BCL11B: variants seen among roughly 807,000 people sequenced by gnomAD.
The protein encoded by BCL11B is BCL11 transcription factor B, also known as B-cell lymphoma/leukemia 11B.
Under a neutral mutation model 49.9 loss-of-function variants are expected in BCL11B, and 8 were observed. That is an observed-to-expected ratio of 0.16 (90% confidence interval 0.09 to 0.29). The LOEUF (loss-of-function observed/expected upper bound fraction) is 0.29. Ranked by LOEUF, BCL11B falls within the 10% of genes least tolerant of loss-of-function variation. The probability of loss-of-function intolerance (pLI) is 1.00; values close to 1 mark genes in which losing one functional copy is unlikely to be tolerated. For synonymous variants in BCL11B, 739 were observed against 637.4 expected (o/e 1.16, Z -2.40); for missense variants, 1,006 against 1,351.0 (o/e 0.74, Z 4.00).
chr14:99,190,044 G>A (rs563499356), intron 3 of BCL11B, among the ~76,000 whole-genome samples: 3 of 152,318 alleles, frequency 2.0e-5, no homozygotes, highest in African/African-American at 7.2e-5. Flanking sequence ...AGCACCTGCT[G>A]ACAATCCAAT....
Position 99,270,683 on chromosome 14 carries a change from C to A in BCL11B, c.58+478G>T, listed in dbSNP as rs1474312924. On this transcript the variant is annotated intron_variant, in intron 1 of 3. Coordinates refer to ENST00000357195, the MANE Select transcript of BCL11B (RefSeq NM_138576.4). ...ACGGCTCCCCCAGCCGGAACGCACC[C>A]CGCTCTCCTCCGCCCGCGCCGTCAG... 1.4e-4 allele frequency among the ~76,000 whole-genome samples: 21 copies of A among 151,904 alleles called. 1 individual carries two copies. The highest frequency in any genetic ancestry group is 2.4e-4 in the Non-Finnish European group (16 of 67,890).
At chr14:99,197,516 A>G (rs1887211799) in intron 3 of BCL11B, among the ~76,000 whole-genome samples, 1 of 152,104 alleles carries the variant, frequency 6.6e-6, no homozygotes, top group Admixed American at 6.5e-5. Flanking sequence ...TCACAAGGCA[A>G]GCCTCTCATT....
intron 3 of BCL11B, among the ~76,000 whole-genome samples, chr14:99,216,874 CAT>C (rs142221441): frequency 7.0e-4 from 106 of 152,230 alleles, no homozygotes; most frequent in African/African-American, 2.3e-3. Context: ...CATACATACA[CAT>C]ATGTGCACAG....
intron 3 of BCL11B, among the ~76,000 whole-genome samples, chr14:99,179,981 G>A (rs1380182341): frequency 6.6e-6 from 1 of 152,124 alleles, no homozygotes; most frequent in African/African-American, 2.4e-5. Context: ...TAAACACATG[G>A]CACGCAGTCT....
chr14:99,209,147 G>C (rs1043596736), intron 3 of BCL11B, among the ~76,000 whole-genome samples: 1 of 152,142 alleles, frequency 6.6e-6, no homozygotes, highest in Non-Finnish European at 1.5e-5. Flanking sequence ...CTTACAAGAG[G>C]CCCTGGACTC....
rs557986468 is a variant in BCL11B, at chr14:99,171,352, G to A, written c.*2799C>T. On this transcript the variant is annotated 3_prime_UTR_variant, in exon 4 of 4. Transcript: ENST00000357195. Reference sequence around the variant, plus strand: ...ACAATAGGACTTAACATACAAATGTGTTTTTTTTGCAATATTTTATCCTGC... The same window carrying A: ...ACAATAGGACTTAACATACAAATGTATTTTTTTTGCAATATTTTATCCTGC... 4.6e-6 allele frequency: 1 copy of A among 216,446 alleles called. No individual in the cohort carries two copies. The highest frequency in any genetic ancestry group is 6.9e-5 in the East Asian group (1 of 14,558). 13.4% of individuals were successfully genotyped at this position (216,446 alleles called of 1,614,324 possible). A position where few individuals can be genotyped will look rare whatever the true frequency, so the allele number is the denominator to read the frequency against.
chr14:99,256,316 T>C (rs1426125303), intron 2 of BCL11B, among the ~76,000 whole-genome samples: 3 of 152,142 alleles, frequency 2.0e-5, no homozygotes, highest in Non-Finnish European at 2.9e-5. Flanking sequence ...GAGAGAGAAG[T>C]GCCACGGGCA....
At chr14:99,238,363 C>G (rs2139908523) in intron 2 of BCL11B, among the ~76,000 whole-genome samples, 1 of 152,322 alleles carries the variant, frequency 6.6e-6, no homozygotes, top group South Asian at 2.1e-4. Flanking sequence ...CACCCCTTCC[C>G]CAGGTCCAAA....
intron 3 of BCL11B, among the ~76,000 whole-genome samples, chr14:99,176,436 C>G (rs1015869392): frequency 6.6e-6 from 1 of 152,216 alleles, no homozygotes; most frequent in Non-Finnish European, 1.5e-5. Flanking sequence ...CAGCGACTTA[C>G]TTCAATTGTG....
At position 99,170,113 on chromosome 14, in the gene BCL11B, G is replaced by A. The variant is rs1231207215; in HGVS notation, c.*4038C>T. 4 of 226,812 alleles carry A rather than the reference G, an allele frequency of 1.8e-5. No homozygotes were observed. Among genetic ancestry groups the A allele is most frequent in the Non-Finnish European group, 3.5e-5 (4 of 113,738 alleles). 14.0% of individuals were successfully genotyped at this position (226,812 alleles called of 1,614,324 possible). On this transcript the variant is annotated 3_prime_UTR_variant, in exon 4 of 4. Coordinates refer to ENST00000357195, the MANE Select transcript of BCL11B (RefSeq NM_138576.4). ...CAATCTGGTAAGCTGGTGAGCACTG[G>A]CTAGCTGTTATGACTACAGGAAGAC...
intron 3 of BCL11B, among the ~76,000 whole-genome samples, chr14:99,199,658 G>A (rs1350038235): frequency 1.1e-4 from 9 of 81,760 alleles, no homozygotes; most frequent in Non-Finnish European, 2.5e-4. Context: ...GTGTGTGTGT[G>A]TGTGTGTGTG....
chr14:99,221,324 A>C (rs1216634841), intron 3 of BCL11B, among the ~76,000 whole-genome samples: 1 of 152,226 alleles, frequency 6.6e-6, no homozygotes, highest in Non-Finnish European at 1.5e-5. Context: ...ACTTCTTAAC[A>C]AAGGCAATCA....
At chr14:99,220,291 A>C (rs1566816071) in intron 3 of BCL11B, among the ~76,000 whole-genome samples, 1 of 152,178 alleles carries the variant, frequency 6.6e-6, no homozygotes, top group Non-Finnish European at 1.5e-5. Flanking sequence ...ATTATTGTCC[A>C]CCCACGTTCT....
chr14:99,271,198 G>T lies in BCL11B; in HGVS notation c.21C>A (p.Gly7=). Residue 7 remains glycine, a synonymous_variant, in exon 1 of 4, where the codon GGC becomes GGA. Transcript: ENST00000357195. MSRRKQ[G]NPQHLSQREL... The stretch of plus-strand genomic sequence containing the variant: ...CCCTCTGGGACAAGTGCTGCGGGTT[G>T]CCCTGTTTGCGGCGGGACATTGCCC... The T allele has an allele frequency of 1.3e-6, 2 of 1,537,912 alleles. No individual in the cohort carries two copies. The highest frequency in any genetic ancestry group is 8.7e-7 in the Non-Finnish European group (1 of 1,147,478).
intron 3 of BCL11B, among the ~76,000 whole-genome samples, chr14:99,187,567 A>G (rs1456806247): frequency 2.0e-5 from 3 of 151,860 alleles, no homozygotes; most frequent in African/African-American, 7.3e-5. Context: ...AACTCTGGGG[A>G]CAGGAATTTT....
intron 1 of BCL11B, among the ~76,000 whole-genome samples, chr14:99,268,798 T>G (rs1055020986): frequency 6.6e-6 from 1 of 152,182 alleles, no homozygotes; most frequent in Non-Finnish European, 1.5e-5. Context: ...CTTTGCCCTC[T>G]GGTCTCCTTC....
Position 99,249,320 on chromosome 14 carries a change from C to T in BCL11B, c.427+8151G>A, listed in dbSNP as rs183841112. Reference sequence around the variant, plus strand: ...AATTTTAATTTTAAGTTCTGGGGTACATGTGCAGGGTGTGCAGGTTTGTTA... The same window carrying T: ...AATTTTAATTTTAAGTTCTGGGGTATATGTGCAGGGTGTGCAGGTTTGTTA... On this transcript the variant is annotated intron_variant, in intron 2 of 3. Coordinates refer to ENST00000357195, the MANE Select transcript of BCL11B (RefSeq NM_138576.4). Among the ~76,000 whole-genome samples, 29 of 152,254 alleles carry T rather than the reference C, an allele frequency of 1.9e-4. 1 individual carries two copies. Among genetic ancestry groups the T allele is most frequent in the Non-Finnish European group, 1.5e-5 (1 of 68,030 alleles).
At chr14:99,256,370 G>T (rs144299234) in intron 2 of BCL11B, among the ~76,000 whole-genome samples, 79 of 152,324 alleles carry the variant, frequency 5.2e-4, no homozygotes, top group African/African-American at 1.6e-3. Context: ...CTCACACCAG[G>T]CCTGCTGCTA....
chr14:99,174,738 C>A lies in BCL11B; in HGVS notation c.2098G>T (p.Ala700Ser). Reference protein sequence around the residue: ...VEKDLELPPAALIPSENVYSQ... With the variant: ...VEKDLELPPASLIPSENVYSQ... ...TACACGTTCTCGGACGGGATGAGCGCGGCGGGCGGCAGCTCCAGGTCCTTC... is the reference window on the plus strand; with the variant it reads ...TACACGTTCTCGGACGGGATGAGCGAGGCGGGCGGCAGCTCCAGGTCCTTC... The change falls in exon 4 of 4, where the codon GCG becomes TCG. Residue 700 changes from alanine to serine, a missense_variant. Transcript: ENST00000357195. The A allele has an allele frequency of 4.6e-6, 7 of 1,529,464 alleles. No homozygotes were observed. The highest frequency in any genetic ancestry group is 6.1e-6 in the Non-Finnish European group (7 of 1,138,664). 94.7% of individuals were successfully genotyped at this position (1,529,464 alleles called of 1,614,324 possible).
Sources: gnomAD v4.1 joint callset for allele counts (sites outside exome capture counted in the v4.1 genomes callset) on GRCh38, gnomAD v4.1.1 for gene constraint, MANE v1.5 for transcripts, NCBI Gene and HGNC (gene_info 2026-07-23, HGNC 2026-07-21) for gene names.